Variants in GNAQ observed in about 807,000 individuals in gnomAD.
GNAQ encodes guanine nucleotide-binding protein G(q) subunit alpha.
Under a neutral mutation model 43.9 loss-of-function variants are expected in GNAQ, and 8 were observed. That is an observed-to-expected ratio of 0.18 (90% CI 0.11 to 0.33). GNAQ has a LOEUF of 0.33. GNAQ is among the 10% of genes least tolerant of loss of function. GNAQ has a pLI of 1.00. For missense variants in GNAQ, 158 were observed against 450.8 expected, an observed-to-expected ratio of 0.35 and a Z score of 5.88; for synonymous variants, 155 against 170.7, an observed-to-expected ratio of 0.91 and a Z score of 0.71.
chr9:77,770,352 T>G (rs1826204371), intron 5 of GNAQ, among the ~76,000 whole-genome samples: 1 of 152,184 alleles, frequency 6.6e-6, no homozygotes, highest in African/African-American at 2.4e-5. Flanking sequence ...TTGCAGGATT[T>G]GTGGAAAGAC....
At chr9:77,997,307 C>T (rs561115119) in intron 1 of GNAQ, among the ~76,000 whole-genome samples, 1 of 152,238 alleles carries the variant, frequency 6.6e-6, no homozygotes, top group East Asian at 1.9e-4. Flanking sequence ...AATTAGAAGG[C>T]CTTCAGCCCC....
chr9:78,005,387 T>C (rs1823692862), intron 1 of GNAQ, among the ~76,000 whole-genome samples: 1 of 152,044 alleles, frequency 6.6e-6, no homozygotes, highest in South Asian at 2.1e-4. Context: ...CAGAGAGCAA[T>C]GTGAAAAATG....
intron 1 of GNAQ, among the ~76,000 whole-genome samples, chr9:77,928,138 G>A (rs923851619): frequency 2.6e-5 from 4 of 152,168 alleles, no homozygotes; most frequent in Admixed American, 6.5e-5. Flanking sequence ...CAATCCATGT[G>A]TTGTCCACAT....
rs571049069 is a variant in GNAQ, at chr9:77,924,409, G to A, written c.137-2064C>T. Among the ~76,000 whole-genome samples, 3 of 152,146 alleles carry A rather than the reference G, an allele frequency of 2.0e-5. No individual in the cohort carries two copies. The South Asian group carries it at 6.2e-4, about 32-fold the overall frequency. ...TTATTATCACGATCCCAGAGCCAAAGGTTTGCTCTGAAGGCCCAAGTGTAA... is the reference window on the plus strand; with the variant it reads ...TTATTATCACGATCCCAGAGCCAAAAGTTTGCTCTGAAGGCCCAAGTGTAA... On this transcript the variant is annotated intron_variant, in intron 1 of 6. Transcript: ENST00000286548.
chr9:78,028,484 A>G (rs1171265555), intron 1 of GNAQ, among the ~76,000 whole-genome samples: 1 of 152,214 alleles, frequency 6.6e-6, no homozygotes, highest in Non-Finnish European at 1.5e-5. Context: ...TAATTACATG[A>G]GCAAATGCAA....
At chr9:77,839,527 C>T (rs751965769) in intron 2 of GNAQ, among the ~76,000 whole-genome samples, 22 of 152,110 alleles carry the variant, frequency 1.4e-4, no homozygotes, top group Admixed American at 1.0e-3. Flanking sequence ...ACAGGTTTCC[C>T]GAAAAAGGTA....
intron 1 of GNAQ, among the ~76,000 whole-genome samples, chr9:77,963,026 C>T (rs540744024): frequency 6.6e-6 from 1 of 151,320 alleles, no homozygotes. Flanking sequence ...GTTTGAGGCA[C>T]TAAGAATAAG....
chr9:77,813,432 A>G (rs572733497), intron 3 of GNAQ, among the ~76,000 whole-genome samples: 15 of 152,204 alleles, frequency 9.9e-5, no homozygotes, highest in Non-Finnish European at 2.2e-4. Context: ...CCAGGATCAC[A>G]GCACTGACAG....
chr9:77,944,439 G>A (rs1353637345), intron 1 of GNAQ, among the ~76,000 whole-genome samples: 3 of 151,752 alleles, frequency 2.0e-5, no homozygotes, highest in Non-Finnish European at 2.9e-5. Flanking sequence ...CCATCAAGCC[G>A]CCTCACCCCA....
At chr9:77,949,936 C>G (rs1395092157) in intron 1 of GNAQ, among the ~76,000 whole-genome samples, 2 of 152,182 alleles carry the variant, frequency 1.3e-5, no homozygotes, top group African/African-American at 4.8e-5. Context: ...AAAAGATTCC[C>G]GATCCATGCA....
At chr9:77,913,888 T>G (rs1314912461) in intron 2 of GNAQ, among the ~76,000 whole-genome samples, 4 of 152,220 alleles carry the variant, frequency 2.6e-5, no homozygotes, top group Non-Finnish European at 4.4e-5. Flanking sequence ...CACTCTTCTG[T>G]ATTTTTTTGA....
intron 2 of GNAQ, among the ~76,000 whole-genome samples, chr9:77,895,416 T>A (rs1231740167): frequency 3.9e-5 from 6 of 152,066 alleles, no homozygotes; most frequent in Non-Finnish European, 8.8e-5. Context: ...CCAGTCTTGG[T>A]GAGGGGAATC....
intron 5 of GNAQ, among the ~76,000 whole-genome samples, chr9:77,738,648 G>T (rs1257203809): frequency 1.3e-5 from 2 of 152,038 alleles, no homozygotes; most frequent in African/African-American, 4.8e-5. Flanking sequence ...TTGTACCATT[G>T]TTGTCTCACT....
chr9:77,924,983 C>T (rs114242821), intron 1 of GNAQ, among the ~76,000 whole-genome samples: 2,021 of 151,654 alleles, frequency 0.013, 37 homozygotes, highest in African/African-American at 0.041. Flanking sequence ...ATTTATTCTC[C>T]TAGCTTCCTC....
chr9:77,979,791 C>G (rs1378512811), intron 1 of GNAQ, among the ~76,000 whole-genome samples: 1 of 152,188 alleles, frequency 6.6e-6, no homozygotes, highest in Non-Finnish European at 1.5e-5. Context: ...TTAGCATGTT[C>G]AGTTTTTCTT....
At chr9:77,996,024 T>G (rs989758922) in intron 1 of GNAQ, among the ~76,000 whole-genome samples, 1 of 152,060 alleles carries the variant, frequency 6.6e-6, no homozygotes, top group African/African-American at 2.4e-5. Flanking sequence ...AAAGGAGGGG[T>G]GTCCCCTTAT....
At chr9:77,908,642 T>C (rs1828751246) in intron 2 of GNAQ, among the ~76,000 whole-genome samples, 1 of 152,210 alleles carries the variant, frequency 6.6e-6, no homozygotes, top group Non-Finnish European at 1.5e-5. Context: ...CGACAAGGCA[T>C]AGCATGGAGA....
chr9:77,778,858 T>C (rs1826345366), intron 5 of GNAQ, among the ~76,000 whole-genome samples: 1 of 151,616 alleles, frequency 6.6e-6, no homozygotes, highest in South Asian at 2.1e-4. Flanking sequence ...GATAACGGGG[T>C]CAATTCTCCA....
chr9:77,948,480 A>T (rs1267637647), intron 1 of GNAQ, among the ~76,000 whole-genome samples: 1 of 152,164 alleles, frequency 6.6e-6, no homozygotes, highest in Non-Finnish European at 1.5e-5. Context: ...ACCTAGCGGT[A>T]GGGATGGAAG....
Sources: gnomAD v4.1 joint callset for allele counts (sites outside exome capture counted in the v4.1 genomes callset) on GRCh38, gnomAD v4.1.1 for gene constraint, MANE v1.5 for transcripts, NCBI Gene and HGNC (gene_info 2026-07-23, HGNC 2026-07-21) for gene names.